ZNG1A: variants seen among roughly 807,000 people sequenced by gnomAD.
ZNG1A encodes the protein Zn regulated GTPase metalloprotein activator 1A, also known as zinc-regulated GTPase metalloprotein activator 1A.
the ZNG1A span, chr9:135,148 G>A: frequency 3.3e-6 from 5 of 1,494,258 alleles, no homozygotes; most frequent in Non-Finnish European, 4.5e-6. Flanking sequence ...CTAATATTCT[G>A]TAATTGCAAT....
At chr9:162,615 G>C in the ZNG1A span, 1 of 578,872 alleles carries the variant, frequency 1.7e-6, no homozygotes, top group Non-Finnish European at 3.0e-6. Context: ...TTTTTCTCTT[G>C]CCAGTGCTGC....
chr9:155,454 A>G, the ZNG1A span, among the ~76,000 whole-genome samples: 2 of 152,134 alleles, frequency 1.3e-5, no homozygotes, highest in Non-Finnish European at 2.9e-5. Context: ...CAGAAGATAT[A>G]TCAGGATATT....
the ZNG1A span, chr9:163,894 C>G: frequency 5.8e-5 from 76 of 1,308,162 alleles, 1 homozygote; most frequent in Non-Finnish European, 8.1e-5. Context: ...TCCATGCACT[C>G]CAGTCTGGGC....
chr9:168,388 G>A, the ZNG1A span, among the ~76,000 whole-genome samples: 1 of 151,852 alleles, frequency 6.6e-6, no homozygotes, highest in Admixed American at 6.6e-5. Flanking sequence ...AAGTAACTGG[G>A]ATTACAGGCT....
the ZNG1A span, among the ~76,000 whole-genome samples, chr9:175,368 C>G: frequency 2.6e-5 from 4 of 150,974 alleles, no homozygotes; most frequent in East Asian, 7.7e-4. Context: ...CAGAGAGAGA[C>G]TCCATCTCAA....
At chr9:155,706 G>A in the ZNG1A span, among the ~76,000 whole-genome samples, 4 of 152,096 alleles carry the variant, frequency 2.6e-5, no homozygotes, top group East Asian at 1.9e-4. Flanking sequence ...GAAAGAGCAG[G>A]TTTCAACAGT....
the ZNG1A span, among the ~76,000 whole-genome samples, chr9:136,922 G>C: frequency 1.3e-5 from 2 of 150,480 alleles, no homozygotes; most frequent in African/African-American, 4.9e-5. Flanking sequence ...CAAGCCTGTA[G>C]TCCCAGCTAC....
chr9:177,942 T>A, the ZNG1A span: 1 of 1,331,916 alleles, frequency 7.5e-7, no homozygotes, highest in Non-Finnish European at 1.0e-6. Context: ...TATTTTTACA[T>A]AAAAGGTCAC....
At chr9:178,461 G>A in the ZNG1A span, among the ~76,000 whole-genome samples, 2 of 112,072 alleles carry the variant, frequency 1.8e-5, no homozygotes, top group Admixed American at 1.8e-4. Flanking sequence ...TGTTTCACAG[G>A]TGACAGGTAT....
the ZNG1A span, among the ~76,000 whole-genome samples, chr9:128,463 A>G: frequency 2.1e-4 from 31 of 151,192 alleles, no homozygotes; most frequent in Admixed American, 1.8e-3. Context: ...TACTTGTTCA[A>G]TTCTATTGCT....
chr9:160,305 T>A, the ZNG1A span, among the ~76,000 whole-genome samples: 2 of 151,950 alleles, frequency 1.3e-5, no homozygotes, highest in African/African-American at 4.8e-5. Context: ...ATGACATTCT[T>A]AAATTGCTGC....
At chr9:150,527 C>T in the ZNG1A span, 1 of 973,748 alleles carries the variant, frequency 1.0e-6, no homozygotes, top group Non-Finnish European at 1.2e-6. Flanking sequence ...AAGAATTGTA[C>T]TCAGGACATC....
the ZNG1A span, among the ~76,000 whole-genome samples, chr9:158,658 T>C: frequency 6.6e-6 from 1 of 150,862 alleles, no homozygotes; most frequent in Non-Finnish European, 1.5e-5. Flanking sequence ...CTAACAGTGG[T>C]AGACTAACGT....
chr9:171,920 A>C, the ZNG1A span: 1 of 1,063,244 alleles, frequency 9.4e-7, no homozygotes, highest in Non-Finnish European at 1.4e-6. Context: ...TCAACTGCCA[A>C]AGAAAATGAC....
the ZNG1A span, chr9:160,011 T>A: frequency 6.6e-6 from 3 of 453,304 alleles, no homozygotes; most frequent in Admixed American, 4.7e-5. Flanking sequence ...CTTCTCTGGG[T>A]AACTTCATTC....
the ZNG1A span, chr9:146,868 A>G: frequency 2.0e-5 from 3 of 151,302 alleles, no homozygotes; most frequent in African/African-American, 7.3e-5. Context: ...TAATTTTAAC[A>G]TAAGCCCAGA....
the ZNG1A span, chr9:146,733 G>T: frequency 1.6e-5 from 1 of 62,952 alleles, no homozygotes; most frequent in African/African-American, 5.9e-5. Context: ...ATTATTTAAT[G>T]ATAATTACTC....
the ZNG1A span, among the ~76,000 whole-genome samples, chr9:169,041 A>G: frequency 6.6e-6 from 1 of 152,104 alleles, no homozygotes; most frequent in Non-Finnish European, 1.5e-5. Context: ...TTTAAGAAAT[A>G]TATTTCATAA....
the ZNG1A span, among the ~76,000 whole-genome samples, chr9:168,728 T>C: frequency 3.4e-4 from 48 of 143,248 alleles, no homozygotes; most frequent in African/African-American, 1.0e-3. Context: ...AATCATTTAC[T>C]ATCCTAAAAA....
Sources: allele counts gnomAD v4.1 joint callset (sites outside exome capture counted in the v4.1 genomes callset), GRCh38; gene constraint gnomAD v4.1.1; transcripts MANE v1.5; gene names NCBI Gene and HGNC (gene_info 2026-07-23, HGNC 2026-07-21).